HAUS6: variants seen among roughly 807,000 people sequenced by gnomAD.
HAUS6 encodes HAUS augmin like complex subunit 6.
A neutral mutation model predicts 106.8 loss-of-function variants in HAUS6; 80 were observed. The ratio of observed to expected loss-of-function variants is 0.75; its 90% CI spans 0.63 to 0.90. The LOEUF (loss-of-function observed/expected upper bound fraction) is 0.90, where lower values mean the gene tolerates loss of function less well. Among genes scored for constraint, HAUS6 ranks in the 40% least tolerant of loss-of-function variants. The pLI is 0.00. For missense variants in HAUS6, 1,155 were observed against 1,118.1 expected, an observed-to-expected ratio of 1.03 and a Z score of -0.47; for synonymous variants, 356 against 379.1, an observed-to-expected ratio of 0.94 and a Z score of 0.71.
chr9:19,098,167 G>A (rs1425632340), intron 1 of HAUS6, among the ~76,000 whole-genome samples: 1 of 152,192 alleles, frequency 6.6e-6, no homozygotes, highest in African/African-American at 2.4e-5. Flanking sequence ...GGGGTCGGGT[G>A]CAGCGGCTCA....
At chr9:19,097,979 G>C (rs1174681473) in intron 1 of HAUS6, among the ~76,000 whole-genome samples, 1 of 152,134 alleles carries the variant, frequency 6.6e-6, no homozygotes, top group Admixed American at 6.6e-5. Context: ...TTTGTCCTTA[G>C]AACATCTCTA....
rs572855859 is a variant in HAUS6, at chr9:19,055,092, G to A, written c.*1251C>T. 6.6e-6 allele frequency: 1 copy of A among 152,276 alleles called. No individual in the cohort carries two copies. Among genetic ancestry groups the A allele is most frequent in the East Asian group, 1.9e-4 (1 of 5,186 alleles). The allele number at this position is 152,276 out of a possible 1,614,324, so 9.4% of individuals were successfully genotyped here. A position where few individuals can be genotyped will look rare whatever the true frequency, so the allele number is the denominator to read the frequency against. Reference sequence around the variant, plus strand: ...ACAAAAAGATGGGTCTTCACACTGGGACAGGACAACCAACTTAGAGAAAGG... The same window carrying A: ...ACAAAAAGATGGGTCTTCACACTGGAACAGGACAACCAACTTAGAGAAAGG... On this transcript the variant is annotated 3_prime_UTR_variant, in exon 17 of 17. Coordinates refer to ENST00000380502, the MANE Select transcript of HAUS6 (RefSeq NM_017645.5).
Position 19,056,204 on chromosome 9 carries a change from C to T in HAUS6, c.*139G>A. 1 of 546,688 alleles carries T rather than the reference C, an allele frequency of 1.8e-6. No homozygotes were observed. Among genetic ancestry groups the T allele is most frequent in the Non-Finnish European group, 3.3e-6 (1 of 304,510 alleles). 33.9% of individuals were successfully genotyped at this position (546,688 alleles called of 1,614,324 possible). ...CCTTACCTAAAAATATTAAAGAAGGCTAAAAGGCATTAGGAATTTTTTTAA... is the reference window on the plus strand; with the variant it reads ...CCTTACCTAAAAATATTAAAGAAGGTTAAAAGGCATTAGGAATTTTTTTAA... On this transcript the variant is annotated 3_prime_UTR_variant, in exon 17 of 17. Transcript: ENST00000380502.
At chr9:19,080,326 G>A (rs1055789014) in intron 9 of HAUS6, among the ~76,000 whole-genome samples, 153 bp downstream of exon 9, 3 of 151,940 alleles carry the variant, frequency 2.0e-5, no homozygotes, top group African/African-American at 7.3e-5. Context: ...TCTGCTTCAT[G>A]TATATCTCCA....
At chr9:19,098,809 G>C (rs1382584822) in intron 1 of HAUS6, among the ~76,000 whole-genome samples, 1 of 152,100 alleles carries the variant, frequency 6.6e-6, no homozygotes, top group East Asian at 1.9e-4. Context: ...GATCACCTGA[G>C]GTCGGGAGTT....
intron 12 of HAUS6, among the ~76,000 whole-genome samples, chr9:19,069,021 T>C (rs1303722756): frequency 6.6e-6 from 1 of 152,144 alleles, no homozygotes; most frequent in African/African-American, 2.4e-5. Flanking sequence ...TCTTATCGAA[T>C]AGTTTACCAA....
chr9:19,076,509 G>A (rs1018204030), intron 11 of HAUS6, 93 bp downstream of exon 11: 10 of 714,002 alleles, frequency 1.4e-5, no homozygotes, highest in African/African-American at 5.5e-5. Flanking sequence ...AAAAATGGAG[G>A]AAAAAGATAA....
chr9:19,059,416 T>C (rs1219221872), intron 15 of HAUS6, among the ~76,000 whole-genome samples: 2 of 152,338 alleles, frequency 1.3e-5, no homozygotes, highest in East Asian at 3.9e-4. Flanking sequence ...CCATAAACAA[T>C]GTCAACAAAT....
chr9:19,063,966 T>TTTTA (rs1471246688), intron 12 of HAUS6, among the ~76,000 whole-genome samples: 66 of 115,276 alleles, frequency 5.7e-4, no homozygotes, highest in Middle Eastern at 4.3e-3. Context: ...AGATCCTTTA[T>TTTTA]TTTATTTTTT....
intron 8 of HAUS6, among the ~76,000 whole-genome samples, chr9:19,081,102 G>C (rs74613951): frequency 6.8e-6 from 1 of 147,182 alleles, no homozygotes; most frequent in South Asian, 2.1e-4. Flanking sequence ...AAAGCGGGGG[G>C]AAAAAAATCA....
intron 9 of HAUS6, among the ~76,000 whole-genome samples, chr9:19,079,117 T>C (rs906158701): frequency 1.1e-4 from 17 of 148,640 alleles, no homozygotes; most frequent in African/African-American, 3.0e-4. Context: ...AAAGCCGAGA[T>C]TGCGCTATTG....
intron 12 of HAUS6, among the ~76,000 whole-genome samples, chr9:19,068,794 T>C (rs549329658): frequency 1.4e-3 from 214 of 152,198 alleles, no homozygotes; most frequent in Non-Finnish European, 1.6e-3. Flanking sequence ...AGAACTAATA[T>C]GTTCCCCAAT....
At chr9:19,061,010 C>T (rs1185470586) in intron 14 of HAUS6, among the ~76,000 whole-genome samples, 1 of 152,042 alleles carries the variant, frequency 6.6e-6, no homozygotes, top group African/African-American at 2.4e-5. Flanking sequence ...ACTAAAAATA[C>T]AAAATTAGCT....
intron 4 of HAUS6, among the ~76,000 whole-genome samples, chr9:19,090,702 GAT>G (rs1370583773): frequency 6.6e-6 from 1 of 152,116 alleles, no homozygotes; most frequent in African/African-American, 2.4e-5. Flanking sequence ...AATATAAAAA[GAT>G]AAGAGGAGAT....
At position 19,076,602 on chromosome 9, in the gene HAUS6, C is replaced by A; in HGVS notation, c.1294G>T (p.Asp432Tyr). The change falls in exon 11 of 17, where the codon GAT becomes TAT. Residue 432 changes from aspartate to tyrosine, a missense_variant and splice_region_variant. This residue lies in a region of HAUS6 where 761 missense variants were observed against 690.0 expected (regional missense o/e 1.10). Coordinates refer to ENST00000380502, the MANE Select transcript of HAUS6 (RefSeq NM_017645.5). ...AGAAAAAAATAAATAAATAACCAAC[C>A]TGGAAGTGAAGCAGGATACTGACAA... ...ILCQYPASLP[D>Y]AHKQHNQENG... 6.8e-7 allele frequency: 1 copy of A among 1,471,996 alleles called. No homozygotes were observed. The highest frequency in any genetic ancestry group is 1.2e-5 in the South Asian group (1 of 85,448). The allele number at this position is 1,471,996 out of a possible 1,614,324, so 91.2% of individuals were successfully genotyped here. A position where few individuals can be genotyped will look rare whatever the true frequency, so the allele number is the denominator to read the frequency against.
In HAUS6 at chr9:19,086,822, T is replaced by C. The variant is rs772571181; in HGVS notation, c.651-40A>G. The C allele has an allele frequency of 2.1e-5, 18 of 839,628 alleles. No individual in the cohort carries two copies. In the South Asian group the frequency reaches 2.6e-4, roughly 12 times the overall value. The allele number at this position is 839,628 out of a possible 1,614,324, so 52.0% of individuals were successfully genotyped here. A position where few individuals can be genotyped will look rare whatever the true frequency, so the allele number is the denominator to read the frequency against. On this transcript the variant is annotated intron_variant, in intron 6 of 16. Coordinates refer to ENST00000380502, the MANE Select transcript of HAUS6 (RefSeq NM_017645.5). ...ATAATCTAATTAGTCATATTAAAAA[T>C]CACATGGTAATTTAATATCCAAAGA...
At chr9:19,084,635 CTT>C (rs113235811) in intron 7 of HAUS6, among the ~76,000 whole-genome samples, 68 of 138,732 alleles carry the variant, frequency 4.9e-4, no homozygotes, top group Middle Eastern at 3.7e-3. Context: ...TTTCTTTTTT[CTT>C]TTTTTTTTTT....
intron 1 of HAUS6, among the ~76,000 whole-genome samples, chr9:19,099,457 C>T (rs1055428888): frequency 6.6e-6 from 1 of 151,862 alleles, no homozygotes; most frequent in Non-Finnish European, 1.5e-5. Context: ...TGAGCCACCG[C>T]ACCCGGCCTC....
intron 15 of HAUS6, among the ~76,000 whole-genome samples, chr9:19,059,603 C>A (rs1220496458): frequency 6.6e-6 from 1 of 152,144 alleles, no homozygotes; most frequent in African/African-American, 2.4e-5. Flanking sequence ...TACCTAAGGA[C>A]ACCAATATCA....
Sources: gnomAD v4.1 joint callset for allele counts (sites outside exome capture counted in the v4.1 genomes callset) on GRCh38, gnomAD v4.1.1 for gene constraint, gnomAD v4.1.1 regional missense constraint, MANE v1.5 for transcripts, NCBI Gene and HGNC (gene_info 2026-07-23, HGNC 2026-07-21) for gene names.